The following CDH22 variants were observed in gnomAD, a reference collection of about 807,000 sequenced individuals.
The protein encoded by CDH22 is cadherin-22.
Under a neutral mutation model 58.4 loss-of-function variants are expected in CDH22, and 30 were observed. That is an observed-to-expected ratio of 0.51 (90% CI 0.38 to 0.70). CDH22 has a LOEUF of 0.70. CDH22 is among the 30% of genes least tolerant of loss of function. The pLI is 0.00. For missense variants in CDH22, 1,014 were observed against 1,233.9 expected (o/e 0.82, Z 2.67); for synonymous variants, 513 against 558.2 (o/e 0.92, Z 1.14).
chr20:46,225,175 C>T (rs574469537), intron 4 of CDH22, among the ~76,000 whole-genome samples: 1 of 152,286 alleles, frequency 6.6e-6, no homozygotes, highest in South Asian at 2.1e-4. Context: ...ATCGAGATTC[C>T]GAATGCATGT....
chr20:46,237,443 C>T (rs1303453502), intron 3 of CDH22, among the ~76,000 whole-genome samples: 2 of 152,198 alleles, frequency 1.3e-5, no homozygotes, highest in Non-Finnish European at 2.9e-5. Context: ...CCTGGTGCTG[C>T]TTGTCGGCCC....
intron 1 of CDH22, among the ~76,000 whole-genome samples, chr20:46,302,364 G>A (rs929302287): frequency 3.3e-5 from 5 of 152,090 alleles, no homozygotes; most frequent in Non-Finnish European, 5.9e-5. Flanking sequence ...AGCCTTCTAC[G>A]CAGTAGTGAC....
intron 8 of CDH22, among the ~76,000 whole-genome samples, chr20:46,196,624 G>A (rs2085904995): frequency 6.6e-6 from 1 of 152,180 alleles, no homozygotes; most frequent in African/African-American, 2.4e-5. Flanking sequence ...GACTGGAGGG[G>A]CAGCTGAGGA....
chr20:46,298,706 A>T (rs1237693654), intron 1 of CDH22, among the ~76,000 whole-genome samples: 1 of 151,918 alleles, frequency 6.6e-6, no homozygotes, highest in Non-Finnish European at 1.5e-5. Flanking sequence ...CTTAGATGGG[A>T]TGCTGGCTGG....
chr20:46,233,873 C>T (rs905888294), intron 3 of CDH22, among the ~76,000 whole-genome samples: 1 of 152,192 alleles, frequency 6.6e-6, no homozygotes, highest in African/African-American at 2.4e-5. Flanking sequence ...TATAGATCTT[C>T]CTGGACTTTA....
Position 46,300,823 on chromosome 20 carries a change from G to A in CDH22, c.-400+7432C>T, listed in dbSNP as rs1367873614. ...CCTGAAGAAATCATCGGACAAGAGCGTGAAGATGTGTGTACAAGGATGTTC... is the reference window on the plus strand; with the variant it reads ...CCTGAAGAAATCATCGGACAAGAGCATGAAGATGTGTGTACAAGGATGTTC... On this transcript the variant is annotated intron_variant, in intron 1 of 11. Transcript: ENST00000537909. The surrounding 1 kb of genome is among the most constrained non-coding windows in gnomAD (Gnocchi z 4.4). Among the ~76,000 whole-genome samples the A allele has an allele frequency of 2.0e-5, 3 of 152,198 alleles. No homozygotes were observed. The highest frequency in any genetic ancestry group is 2.9e-5 in the Non-Finnish European group (2 of 68,042).
At chr20:46,279,415 A>C (rs2086537725) in intron 1 of CDH22, among the ~76,000 whole-genome samples, 1 of 152,190 alleles carries the variant, frequency 6.6e-6, no homozygotes, top group Non-Finnish European at 1.5e-5. Context: ...GACAAATAAA[A>C]TGGAGTGTAT....
chr20:46,229,121 C>G (rs936910719), intron 3 of CDH22, among the ~76,000 whole-genome samples: 2 of 152,142 alleles, frequency 1.3e-5, no homozygotes, highest in Non-Finnish European at 1.5e-5. Flanking sequence ...CAAGCCCCTT[C>G]CCTCCAGATG....
intron 11 of CDH22, among the ~76,000 whole-genome samples, chr20:46,177,685 A>T (rs938754955): frequency 7.2e-5 from 11 of 152,154 alleles, no homozygotes; most frequent in Non-Finnish European, 1.5e-4. Context: ...AAAATTTTTT[A>T]AAAATATGCT....
intron 1 of CDH22, among the ~76,000 whole-genome samples, chr20:46,302,216 C>T (rs908703775): frequency 1.3e-5 from 2 of 152,194 alleles, no homozygotes; most frequent in African/African-American, 2.4e-5. Flanking sequence ...TCTTCTCATA[C>T]AGGGCTTGGT....
chr20:46,252,569 C>A (rs937701049), intron 1 of CDH22, among the ~76,000 whole-genome samples: 1 of 152,210 alleles, frequency 6.6e-6, no homozygotes, highest in Non-Finnish European at 1.5e-5. Context: ...CAGGGGACAG[C>A]GATGCTGCTT....
At chr20:46,243,461 C>T (rs989951346) in intron 2 of CDH22, among the ~76,000 whole-genome samples, 3 of 152,176 alleles carry the variant, frequency 2.0e-5, no homozygotes, top group Non-Finnish European at 4.4e-5. Flanking sequence ...AATTAATGCC[C>T]GTCCTGGGCT....
intron 1 of CDH22, among the ~76,000 whole-genome samples, chr20:46,275,212 CT>C (rs1192618536): frequency 6.6e-6 from 1 of 152,208 alleles, no homozygotes; most frequent in African/African-American, 2.4e-5. Flanking sequence ...TCCGCTCCCC[CT>C]CTCCCTGTTC....
intron 6 of CDH22, 82 bp downstream of exon 6, chr20:46,212,913 G>A (rs530281926): frequency 4.1e-5 from 46 of 1,112,284 alleles, no homozygotes; most frequent in Middle Eastern, 2.1e-4. Context: ...GAGTGAGGTG[G>A]GGGTATTCGG....
In CDH22 at chr20:46,210,219, A is replaced by C. The variant is rs2145686751; in HGVS notation, c.1286+88T>G. The C allele has an allele frequency of 1.6e-6, 2 of 1,277,586 alleles. No homozygotes were observed. Among genetic ancestry groups the C allele is most frequent in the Non-Finnish European group, 2.0e-6 (2 of 997,082 alleles). 79.1% of individuals were successfully genotyped at this position (1,277,586 alleles called of 1,614,324 possible). On this transcript the variant is annotated intron_variant, in intron 7 of 11. Transcript: ENST00000537909. This position sits in a 1 kb window ranked among gnomAD's most constrained non-coding sequence, Gnocchi z 4.5. ...CCCTTCCTTCGGCCCTGCCCGCCCC[A>C]GCCCTCCTCCCCTCTGCCCGCAGTC...
At chr20:46,305,351 G>T (rs1351132937) in intron 1 of CDH22, among the ~76,000 whole-genome samples, 1 of 152,236 alleles carries the variant, frequency 6.6e-6, no homozygotes, top group Non-Finnish European at 1.5e-5. Context: ...CCATCTTAAA[G>T]GTGCTTTGAG....
At chr20:46,233,164 G>T (rs960259618) in intron 3 of CDH22, among the ~76,000 whole-genome samples, 1 of 152,030 alleles carries the variant, frequency 6.6e-6, no homozygotes, top group Non-Finnish European at 1.5e-5. Context: ...GGAGAGGAAG[G>T]TGAAGTTTGG....
chr20:46,265,106 GA>G (rs1162934218), intron 1 of CDH22, among the ~76,000 whole-genome samples: 2 of 152,104 alleles, frequency 1.3e-5, no homozygotes, highest in African/African-American at 4.8e-5. Flanking sequence ...ATTACATCCC[GA>G]GCTGCTGTTT....
intron 8 of CDH22, 120 bp from the exon 9 acceptor site, chr20:46,187,067 C>A: frequency 1.0e-6 from 1 of 982,374 alleles, no homozygotes; most frequent in Non-Finnish European, 1.5e-6. Flanking sequence ...GTGGGTTAAC[C>A]AAGCTGGTAC....
Sources: gnomAD v4.1 joint callset for allele counts (sites outside exome capture counted in the v4.1 genomes callset) on GRCh38, gnomAD v4.1.1 for gene constraint, Gnocchi (gnomAD v3.1) non-coding constraint, MANE v1.5 for transcripts, NCBI Gene and HGNC (gene_info 2026-07-23, HGNC 2026-07-21) for gene names.